The following KIF5A variants were observed in gnomAD, a reference collection of about 807,000 sequenced individuals.
KIF5A encodes the protein kinesin family member 5A.
A neutral mutation model predicts 141.3 loss-of-function variants in KIF5A; 35 were observed. That is an observed-to-expected ratio of 0.25 (90% CI 0.19 to 0.33). KIF5A has a LOEUF of 0.33. Ranked by LOEUF, KIF5A falls within the 10% of genes least tolerant of loss-of-function variation. The pLI, the probability that KIF5A is intolerant of heterozygous loss-of-function variation, is 1.00. For synonymous variants in KIF5A, 448 were observed against 500.2 expected (o/e 0.90, Z 1.39); for missense variants, 861 against 1,314.3 (o/e 0.66, Z 5.33).
At chr12:57,575,946 T>C in intron 17 of KIF5A, 141 bp from the exon 18 acceptor site, 1 of 930,424 alleles carries the variant, frequency 1.1e-6, no homozygotes, top group Non-Finnish European at 1.8e-6. Flanking sequence ...CTGTTCCTGC[T>C]ATATCAAATT....
Position 57,563,510 on chromosome 12 carries a change from C to A in KIF5A, c.201C>A (p.Ala67=), listed in dbSNP as rs1357161558. 2 of 1,613,580 alleles carry A rather than the reference C, an allele frequency of 1.2e-6. No homozygotes were observed. Among genetic ancestry groups the A allele is most frequent in the South Asian group, 2.2e-5 (2 of 91,068 alleles). Residue 67 remains alanine (A), a synonymous_variant, in exon 2 of 29, where the codon GCC becomes GCA. Coordinates refer to ENST00000455537, the MANE Select transcript of KIF5A (RefSeq NM_004984.4). ...AAGAGCAAGTTTATCATGCATGTGC[C>A]ATGCAGATTGTCAAAGGTAATAGAT... The part of the protein sequence containing the change: ...TTQEQVYHAC[A]MQIVKDVLAG...
chr12:57,553,304 A>G (rs1881634883), intron 1 of KIF5A, among the ~76,000 whole-genome samples: 1 of 151,982 alleles, frequency 6.6e-6, no homozygotes, highest in Non-Finnish European at 1.5e-5. Context: ...GTACACAGCT[A>G]CCTCCCTCAG....
chr12:57,565,422 A>G (rs1882035222), intron 6 of KIF5A, among the ~76,000 whole-genome samples: 2 of 150,506 alleles, frequency 1.3e-5, no homozygotes, highest in East Asian at 2.0e-4. Flanking sequence ...ACCTGTCTTT[A>G]AAAAAAAAGA....
At chr12:57,568,930 C>T in intron 8 of KIF5A, 33 bp from the exon 9 acceptor site, 2 of 1,471,172 alleles carry the variant, frequency 1.4e-6, no homozygotes, top group Non-Finnish European at 1.9e-6. Context: ...TGTGCAGCTG[C>T]TCATACACAC....
chr12:57,554,542 A>G (rs1881674489), intron 1 of KIF5A, among the ~76,000 whole-genome samples: 1 of 152,200 alleles, frequency 6.6e-6, no homozygotes, highest in African/African-American at 2.4e-5. Flanking sequence ...TTCCTTGTCA[A>G]TATCTATGTT....
At chr12:57,568,911 C>G in intron 8 of KIF5A, 52 bp from the exon 9 acceptor site, 1 of 1,243,528 alleles carries the variant, frequency 8.0e-7, no homozygotes, top group South Asian at 1.2e-5. Context: ...GTGGTGACAG[C>G]CCTCTCCATG....
chr12:57,567,253 C>T, intron 7 of KIF5A, 40 bp downstream of exon 7: 3 of 1,512,010 alleles, frequency 2.0e-6, no homozygotes, highest in Non-Finnish European at 1.8e-6. Flanking sequence ...GTCTGAGGAT[C>T]CACTTGTGTT....
chr12:57,561,254 G>A (rs1881902012), intron 1 of KIF5A, among the ~76,000 whole-genome samples: 2 of 152,168 alleles, frequency 1.3e-5, no homozygotes, highest in Admixed American at 1.3e-4. Flanking sequence ...TGCCCAGTCT[G>A]GTCTTAAACT....
intron 1 of KIF5A, among the ~76,000 whole-genome samples, chr12:57,555,799 C>G (rs983333703): frequency 1.4e-4 from 21 of 149,198 alleles, no homozygotes; most frequent in African/African-American, 5.2e-4. Context: ...ATCCCAGCTA[C>G]TCGGAAGGCT....
In KIF5A at chr12:57,550,257, A is replaced by AC. The variant is rs1278152179; in HGVS notation, c.-14dup. On this transcript the variant is annotated 5_prime_UTR_variant, in exon 1 of 29. Transcript: ENST00000455537. This position sits in a 1 kb window ranked among gnomAD's most constrained non-coding sequence, Gnocchi z 4.6. Reference sequence around the variant, plus strand: ...GCAGCCCAAGAAGAGTCCCAGCCCCACGCCGGCTACCACCATGGCGGAGAC... The same window carrying AC: ...GCAGCCCAAGAAGAGTCCCAGCCCCACCGCCGGCTACCACCATGGCGGAGAC... 6.2e-7 allele frequency: 1 copy of AC among 1,613,838 alleles called. No individual in the cohort carries two copies. Among genetic ancestry groups the AC allele is most frequent in the East Asian group, 2.2e-5 (1 of 44,872 alleles).
chr12:57,552,816 A>G (rs914270492), intron 1 of KIF5A, among the ~76,000 whole-genome samples: 4 of 152,106 alleles, frequency 2.6e-5, no homozygotes, highest in Non-Finnish European at 4.4e-5. Context: ...ATCTTTCCCA[A>G]TGCAGCCCCT....
Position 57,569,649 on chromosome 12 carries a change from G to A in KIF5A, c.1083G>A (p.Ala361=), listed in dbSNP as rs528282741. The A allele has an allele frequency of 5.7e-5, 92 of 1,614,052 alleles. No homozygotes were observed. The highest frequency in any genetic ancestry group is 1.0e-4 in the Admixed American group (6 of 60,030). ...CAAAGGCCCAGAAGGAGACGATTGC[G>A]AAGCTGGAGGCTGAGCTGAGCCGGT... The part of the protein sequence containing the change: ...EKTKAQKETI[A]KLEAELSRWR... Residue 361 remains alanine (A), a synonymous_variant, in exon 11 of 29, where the codon GCG becomes GCA. Transcript: ENST00000455537.
At position 57,565,750 on chromosome 12, in the gene KIF5A, G is replaced by A. The variant is rs139110866; in HGVS notation, c.501+777G>A. ...AACGATTCTCCTGCGTCAGGCTCCCGAGTAGCTGGGACTACAGGCATGTGC... is the reference window on the plus strand; with the variant it reads ...AACGATTCTCCTGCGTCAGGCTCCCAAGTAGCTGGGACTACAGGCATGTGC... On this transcript the variant is annotated intron_variant, in intron 6 of 28. Coordinates refer to ENST00000455537, the MANE Select transcript of KIF5A (RefSeq NM_004984.4). Among the ~76,000 whole-genome samples the A allele has an allele frequency of 4.0e-4, 59 of 148,352 alleles. No homozygotes were observed. In the East Asian group the frequency reaches 0.012, roughly 30 times the overall value.
Position 57,570,120 on chromosome 12 carries a change from C to T in KIF5A, c.1251C>T (p.Tyr417=), listed in dbSNP as rs780256557. 1.7e-5 allele frequency: 28 copies of T among 1,614,046 alleles called. No homozygotes were observed. Among genetic ancestry groups the T allele is most frequent in the Middle Eastern group, 3.3e-4 (2 of 6,046 alleles). The change falls in exon 12 of 29, where the codon TAC becomes TAT. Residue 417 remains tyrosine (Y), a synonymous_variant. Coordinates refer to ENST00000455537, the MANE Select transcript of KIF5A (RefSeq NM_004984.4). ...TCGCGCCCGAGGAGCGGCAGAAATA[C>T]GAGGAGGAGATCCGCCGTCTCTATA... is the stretch of plus-strand genomic sequence containing the variant. ...VRIAPEERQK[Y]EEEIRRLYKQ... is the part of the protein sequence containing the mutation.
chr12:57,567,660 TC>T (rs367629249), intron 8 of KIF5A, 42 bp downstream of exon 8: 32 of 1,498,010 alleles, frequency 2.1e-5, no homozygotes, highest in Admixed American at 1.4e-4. Context: ...AAGCCTTGGC[TC>T]TTTTTTTTTT....
rs769315791 is a variant in KIF5A at position 57,567,195 on chromosome 12, C to T, written c.571C>T (p.Arg191Cys). 4 of 1,612,460 alleles carry T rather than the reference C, an allele frequency of 2.5e-6. No homozygotes were observed. The highest frequency in any genetic ancestry group is 2.2e-5 in the South Asian group (2 of 91,044). Reference protein sequence around the residue: ...LDVIDEGKSNRHVAVTNMNEH... With the variant: ...LDVIDEGKSNCHVAVTNMNEH... Reference sequence around the variant, plus strand: ...TGTGATTGATGAAGGGAAATCAAATCGTCATGTGGCTGTCACCAGTGAGTG... The same window carrying T: ...TGTGATTGATGAAGGGAAATCAAATTGTCATGTGGCTGTCACCAGTGAGTG... Residue 191 changes from arginine (R) to cysteine (C), a missense_variant, in exon 7 of 29, where the codon CGT becomes TGT. Transcript: ENST00000455537.
rs866114857 is a variant in KIF5A at position 57,556,329 on chromosome 12, G to A, written c.129+5929G>A. Among the ~76,000 whole-genome samples, 4 of 151,922 alleles carry A rather than the reference G, an allele frequency of 2.6e-5. No individual in the cohort carries two copies. In the South Asian group the frequency reaches 6.2e-4, roughly 24 times the overall value. ...AATTTTTTGTATTTTTAGTGGAGAC[G>A]GGGTTTCACCGTGTTAGCCAGGATG... On this transcript the variant is annotated intron_variant, in intron 1 of 28. Transcript: ENST00000455537.
Position 57,571,746 on chromosome 12 carries a change from A to G in KIF5A, c.1363-315A>G, listed in dbSNP as rs1882261873. On this transcript the variant is annotated intron_variant, in intron 13 of 28. Coordinates refer to ENST00000455537, the MANE Select transcript of KIF5A (RefSeq NM_004984.4). ...CCACACATGGCTAATTTTTGTAGAG[A>G]TGGAGTTTTGCCATGTTACCCAGGC... Among the ~76,000 whole-genome samples the G allele has an allele frequency of 2.6e-5, 4 of 151,796 alleles. No individual in the cohort carries two copies. The South Asian group carries it at 6.3e-4, about 24-fold the overall frequency.
chr12:57,571,405 G>A lies in KIF5A; in HGVS notation c.1362+16G>A, dbSNP rs1374199158. The A allele has an allele frequency of 1.9e-6, 3 of 1,613,212 alleles. No homozygotes were observed. The highest frequency in any genetic ancestry group is 2.5e-6 in the Non-Finnish European group (3 of 1,179,460). ...CCAGGAAGAGGTAATAGGAGGGAGGGCAGGACATGAGAGGAAAGGGGTTCT... is the reference window on the plus strand; with the variant it reads ...CCAGGAAGAGGTAATAGGAGGGAGGACAGGACATGAGAGGAAAGGGGTTCT... On this transcript the variant is annotated intron_variant, in intron 13 of 28. Transcript: ENST00000455537.
Sources: gnomAD v4.1 joint callset for allele counts (sites outside exome capture counted in the v4.1 genomes callset) on GRCh38, gnomAD v4.1.1 for gene constraint, Gnocchi (gnomAD v3.1) non-coding constraint, MANE v1.5 for transcripts, NCBI Gene and HGNC (gene_info 2026-07-23, HGNC 2026-07-21) for gene names.